The following PRH1 variants were observed in gnomAD, a reference collection of about 807,000 sequenced individuals.
PRH1 encodes the protein proline rich protein HaeIII subfamily 1.
In PRH1, 7 loss-of-function variants were observed where a neutral mutation model predicts 7.9. The observed-to-expected ratio is 0.89, with a 90% CI of 0.50 to 1.67. The LOEUF is 1.67. PRH1 is among the 40% of genes most tolerant of loss of function. The pLI, the probability that PRH1 is intolerant of heterozygous loss-of-function variation, is 0.00. For missense variants in PRH1, 109 were observed against 223.6 expected, an observed-to-expected ratio of 0.49 and a Z score of 3.27; for synonymous variants, 45 against 80.8, an observed-to-expected ratio of 0.56 and a Z score of 2.38.
chr12:10,967,358 C>T (rs1047815308), intron 2 of PRH1, among the ~76,000 whole-genome samples: 3 of 152,094 alleles, frequency 2.0e-5, no homozygotes, highest in South Asian at 2.1e-4. Context: ...TTATAATGCA[C>T]ACTTAGAAAT....
chr12:11,072,166 T>C (rs1341328366), intron 1 of PRH1, among the ~76,000 whole-genome samples: 87 of 152,180 alleles, frequency 5.7e-4, no homozygotes, highest in African/African-American at 1.8e-3. Context: ...TTTTTAGTTT[T>C]TGTAGAGACA....
chr12:11,018,355 G>C (rs1167893356), intron 1 of PRH1, among the ~76,000 whole-genome samples: 1 of 139,274 alleles, frequency 7.2e-6, no homozygotes, highest in African/African-American at 2.6e-5. Flanking sequence ...ACCAGCCACA[G>C]TTGGAGGGCA....
At chr12:11,008,612 T>G (rs903202219) in intron 1 of PRH1, among the ~76,000 whole-genome samples, 1 of 152,206 alleles carries the variant, frequency 6.6e-6, no homozygotes, top group Non-Finnish European at 1.5e-5. Context: ...TGCTTTGAAC[T>G]GTGTATAGGT....
At chr12:11,129,982 C>A (rs1163397647) in intron 1 of PRH1, among the ~76,000 whole-genome samples, 2 of 152,052 alleles carry the variant, frequency 1.3e-5, no homozygotes, top group Non-Finnish European at 2.9e-5. Flanking sequence ...GACATCCCAG[C>A]CCTACAAAAA....
At chr12:11,114,514 A>AG (rs1393567016) in intron 1 of PRH1, among the ~76,000 whole-genome samples, 2 of 152,036 alleles carry the variant, frequency 1.3e-5, no homozygotes, top group Non-Finnish European at 2.9e-5. Flanking sequence ...TTTTAGGGTG[A>AG]GGGGGGCTAG....
chr12:11,119,316 CA>C (rs67638054), downstream of PRH1, among the ~76,000 whole-genome samples: 116,715 of 147,654 alleles, frequency 0.79, 46,680 homozygotes, highest in East Asian at 0.96. Context: ...TAATGGCTAC[CA>C]AAAAAAAAAA....
At chr12:11,078,755 T>C (rs1343648371) in intron 1 of PRH1, 1 of 152,094 alleles carries the variant, frequency 6.6e-6, no homozygotes, top group Non-Finnish European at 1.5e-5. Context: ...AATATGGATT[T>C]ATTTTTATGC....
chr12:11,080,301 T>C (rs78951906), intron 1 of PRH1, among the ~76,000 whole-genome samples: 1,394 of 116,718 alleles, frequency 0.012, 333 homozygotes, highest in African/African-American at 0.037. Context: ...CACAGTTGCA[T>C]GTACATGTGA....
At chr12:11,032,987 A>G (rs1942292711) in intron 1 of PRH1, among the ~76,000 whole-genome samples, 1 of 152,142 alleles carries the variant, frequency 6.6e-6, no homozygotes, top group African/African-American at 2.4e-5. Context: ...GAAACTAATG[A>G]CGTGAGATTG....
At chr12:11,058,032 T>A (rs1943436527) in intron 1 of PRH1, among the ~76,000 whole-genome samples, 1 of 152,188 alleles carries the variant, frequency 6.6e-6, no homozygotes, top group African/African-American at 2.4e-5. Context: ...GCCCAGGAGT[T>A]TGAAACCAGC....
At chr12:10,994,725 A>C (rs1177812014) in intron 1 of PRH1, among the ~76,000 whole-genome samples, 1 of 152,184 alleles carries the variant, frequency 6.6e-6, no homozygotes, top group East Asian at 1.9e-4. Flanking sequence ...ATGGTGATTA[A>C]AGTGGTCATT....
At chr12:10,893,531 C>T (rs1246243752) in intron 2 of PRH1, among the ~76,000 whole-genome samples, 1 of 152,186 alleles carries the variant, frequency 6.6e-6, no homozygotes, top group Non-Finnish European at 1.5e-5. Flanking sequence ...TATTAAATGT[C>T]CCCTAGGGGG....
At chr12:10,938,877 T>A (rs781144114) in intron 2 of PRH1, 1 of 1,613,862 alleles carries the variant, frequency 6.2e-7, no homozygotes, top group East Asian at 2.2e-5. Context: ...AAATTGGCTA[T>A]CTTGAGAAAA....
At chr12:11,009,264 AGTTT>A (rs1425631924) in intron 1 of PRH1, among the ~76,000 whole-genome samples, 1 of 151,868 alleles carries the variant, frequency 6.6e-6, no homozygotes, top group African/African-American at 2.4e-5. Context: ...GTTGAAAATC[AGTTT>A]GTTATTTAGA....
At chr12:10,901,421 G>C (rs1277446048) in intron 2 of PRH1, among the ~76,000 whole-genome samples, 1 of 152,138 alleles carries the variant, frequency 6.6e-6, no homozygotes, top group Middle Eastern at 3.2e-3. Context: ...CTGGTCACTT[G>C]GTAGCCACTC....
intron 1 of PRH1, among the ~76,000 whole-genome samples, chr12:11,102,402 A>C (rs1416883888): frequency 6.6e-6 from 1 of 152,214 alleles, no homozygotes; most frequent in Non-Finnish European, 1.5e-5. Context: ...ATCTACAACC[A>C]TCTGATCTTT....
chr12:11,045,716 C>T (rs1168037697), intron 1 of PRH1, among the ~76,000 whole-genome samples: 1 of 151,924 alleles, frequency 6.6e-6, no homozygotes, highest in African/African-American at 2.4e-5. Context: ...TGAAAAACTC[C>T]ACATATTGAC....
At chr12:10,931,293 C>G (rs1403166046) in intron 2 of PRH1, 6 of 1,003,046 alleles carry the variant, frequency 6.0e-6, no homozygotes, top group African/African-American at 4.9e-5. Context: ...TCACTATCTT[C>G]AAATTACCTC....
chr12:11,102,344 G>GAT (rs1177047750), intron 1 of PRH1, among the ~76,000 whole-genome samples: 2 of 152,144 alleles, frequency 1.3e-5, no homozygotes, highest in Non-Finnish European at 2.9e-5. Flanking sequence ...CCAAAACAGA[G>GAT]ATATAGACCA....
Sources: gnomAD v4.1 joint callset for allele counts (sites outside exome capture counted in the v4.1 genomes callset) on GRCh38, gnomAD v4.1.1 for gene constraint, MANE v1.5 for transcripts, NCBI Gene and HGNC (gene_info 2026-07-23, HGNC 2026-07-21) for gene names.